The following ZBTB47 variants were observed in gnomAD, a reference collection of about 807,000 sequenced individuals.
ZBTB47 encodes zinc finger and BTB domain containing 47.
In ZBTB47, 24 loss-of-function variants were observed where a neutral mutation model predicts 56.6. The ratio of observed to expected loss-of-function variants is 0.42; its 90% CI spans 0.31 to 0.60. ZBTB47 has a LOEUF of 0.60. ZBTB47 is among the 20% of genes least tolerant of loss of function. The pLI, the probability that ZBTB47 is intolerant of heterozygous loss-of-function variation, is 0.14. For missense variants in ZBTB47, 829 were observed against 1,032.6 expected, an observed-to-expected ratio of 0.80 and a Z score of 2.70; for synonymous variants, 414 against 418.9, an observed-to-expected ratio of 0.99 and a Z score of 0.14.
At position 42,666,768 on chromosome 3, in the gene ZBTB47, T is replaced by C. The variant is rs1710793986; in HGVS notation, c.*2170T>C. On this transcript the variant is annotated 3_prime_UTR_variant, in exon 6 of 6. Transcript: ENST00000232974. Reference sequence around the variant, plus strand: ...GGGAGCTGGCAATGAAACCCTGTCCTGGGACATGGGTTTCATGTTCTTGTA... The same window carrying C: ...GGGAGCTGGCAATGAAACCCTGTCCCGGGACATGGGTTTCATGTTCTTGTA... Among the ~76,000 whole-genome samples, 1 of 152,220 alleles carries C rather than the reference T, an allele frequency of 6.6e-6. No homozygotes were observed. The highest frequency in any genetic ancestry group is 2.4e-5 in the African/African-American group (1 of 41,468).
At position 42,654,553 on chromosome 3, in the gene ZBTB47, GC is replaced by G. The variant is rs908086422; in HGVS notation, c.-82+672del. Reference sequence around the variant, plus strand: ...GCGGCCCTGCGCCTCCGCCTGCCTGGCCGCGCCCCCGGGGGCCATGGTCGCG... The same window carrying G: ...GCGGCCCTGCGCCTCCGCCTGCCTGGCGCGCCCCCGGGGGCCATGGTCGCG... On this transcript the variant is annotated intron_variant, in intron 1 of 5. Coordinates refer to ENST00000232974, the MANE Select transcript of ZBTB47 (RefSeq NM_145166.4). This position sits in a 1 kb window ranked among gnomAD's most constrained non-coding sequence, Gnocchi z 5.0. The G allele has an allele frequency of 3.7e-5, 14 of 375,800 alleles. No individual in the cohort carries two copies. Among genetic ancestry groups the G allele is most frequent in the Non-Finnish European group, 4.4e-5 (12 of 274,522 alleles). The allele number at this position is 375,800 out of a possible 1,614,324, so 23.3% of individuals were successfully genotyped here.
At chr3:42,659,960 G>C in intron 2 of ZBTB47, 132 bp downstream of exon 2, 1 of 1,337,122 alleles carries the variant, frequency 7.5e-7, no homozygotes, top group Admixed American at 2.9e-5. Context: ...TTAGCCCCCA[G>C]ACAGGCTGGC....
intron 1 of ZBTB47, among the ~76,000 whole-genome samples, chr3:42,655,833 C>A (rs1204283119): frequency 6.6e-6 from 1 of 152,232 alleles, no homozygotes; most frequent in Non-Finnish European, 1.5e-5. Context: ...GATGGTGCTG[C>A]CTTGGCTGAG....
In ZBTB47 at chr3:42,659,339, A is replaced by G; in HGVS notation, c.984A>G (p.Glu328=). Reference sequence around the variant, plus strand: ...ACGGGCACAGTGAGCAGGAAGAGGAAGAGGAGGAGGAAGAGGAGGAAGGGC... The same window carrying G: ...ACGGGCACAGTGAGCAGGAAGAGGAGGAGGAGGAGGAAGAGGAGGAAGGGC... ...EEDGHSEQEE[E]EEEEEEEGPS... is the part of the protein sequence containing the mutation. Residue 328 remains glutamate, a synonymous_variant, in exon 2 of 6, where the codon GAA becomes GAG. Coordinates refer to ENST00000232974, the MANE Select transcript of ZBTB47 (RefSeq NM_145166.4). 2 of 1,445,820 alleles carry G rather than the reference A, an allele frequency of 1.4e-6. 1 individual carries two copies. The highest frequency in any genetic ancestry group is 2.6e-5 in the South Asian group (2 of 77,160). The allele number at this position is 1,445,820 out of a possible 1,614,324, so 89.6% of individuals were successfully genotyped here.
Position 42,664,710 on chromosome 3 carries a change from C to A in ZBTB47, c.*112C>A. On this transcript the variant is annotated 3_prime_UTR_variant, in exon 6 of 6. Coordinates refer to ENST00000232974, the MANE Select transcript of ZBTB47 (RefSeq NM_145166.4). The stretch of plus-strand genomic sequence containing the variant: ...AGTGCGGGCCTGGGCCCTGCTCCAC[C>A]TCCAGAAGTGGCTGGATGTACCCTG... 8.0e-7 allele frequency: 1 copy of A among 1,248,266 alleles called. No individual in the cohort carries two copies. The highest frequency in any genetic ancestry group is 1.0e-6 in the Non-Finnish European group (1 of 977,196). The allele number at this position is 1,248,266 out of a possible 1,614,324, so 77.3% of individuals were successfully genotyped here. A position where few individuals can be genotyped will look rare whatever the true frequency, so the allele number is the denominator to read the frequency against.
intron 1 of ZBTB47, among the ~76,000 whole-genome samples, chr3:42,655,844 A>G (rs1710635676): frequency 6.6e-6 from 1 of 152,236 alleles, no homozygotes; most frequent in African/African-American, 2.4e-5. Context: ...CTTGGCTGAG[A>G]GTACTACCTT....
At position 42,658,755 on chromosome 3, in the gene ZBTB47, G is replaced by C; in HGVS notation, c.400G>C (p.Ala134Pro). ...CCAGCCGGCTGCCAGCTGCACTCCA[G>C]CTGCGCCGCCCTACTACTGTGACAT... ...LAQPAASCTP[A>P]APPYYCDIKQ... The change falls in exon 2 of 6, where the codon GCT becomes CCT. Residue 134 changes from alanine to proline, a missense_variant. Physicochemically the swap from Ala to Pro is conservative, Grantham distance 27. Transcript: ENST00000232974. 2.0e-6 allele frequency: 3 copies of C among 1,532,244 alleles called. No homozygotes were observed. The highest frequency in any genetic ancestry group is 2.6e-6 in the Non-Finnish European group (3 of 1,144,580). The allele number at this position is 1,532,244 out of a possible 1,614,324, so 94.9% of individuals were successfully genotyped here.
intron 3 of ZBTB47, 101 bp downstream of exon 3, chr3:42,661,733 G>C: frequency 6.8e-7 from 1 of 1,476,636 alleles, no homozygotes; most frequent in Non-Finnish European, 9.1e-7. Flanking sequence ...ATGTGAAGGG[G>C]TGAGGAGGCC....
chr3:42,661,305 G>A (rs1461712220), intron 2 of ZBTB47, among the ~76,000 whole-genome samples, 180 bp from the exon 3 acceptor site: 3 of 152,088 alleles, frequency 2.0e-5, no homozygotes, highest in African/African-American at 7.2e-5. Flanking sequence ...TGTGTTTGGG[G>A]GTGTTTAAGG....
chr3:42,664,179 C>T lies in ZBTB47; in HGVS notation c.1883-58C>T, dbSNP rs552167372. On this transcript the variant is annotated intron_variant, in intron 5 of 5. Transcript: ENST00000232974. ...GCTCCATGGGAGACGGAGGCTGGCC[C>T]CAGACTGGGGTGTGGCGACCCCTCA... 4 of 1,593,836 alleles carry T rather than the reference C, an allele frequency of 2.5e-6. No individual in the cohort carries two copies. The South Asian group carries it at 4.5e-5, about 18-fold the overall frequency.
Position 42,658,263 on chromosome 3 carries a change from C to G in ZBTB47, c.-81-12C>G. The stretch of plus-strand genomic sequence containing the variant: ...TGGCCTTGACCCACTCCTGTGCCCT[C>G]TGTCCCCGCAGTTGCTGGTTGAGAA... On this transcript the variant is annotated splice_polypyrimidine_tract_variant and intron_variant, in intron 1 of 5. Coordinates refer to ENST00000232974, the MANE Select transcript of ZBTB47 (RefSeq NM_145166.4). 1.4e-6 allele frequency: 2 copies of G among 1,464,950 alleles called. No homozygotes were observed. Among genetic ancestry groups the G allele is most frequent in the Non-Finnish European group, 1.8e-6 (2 of 1,111,764 alleles). 90.7% of individuals were successfully genotyped at this position (1,464,950 alleles called of 1,614,324 possible). A position where few individuals can be genotyped will look rare whatever the true frequency, so the allele number is the denominator to read the frequency against.
At position 42,654,980 on chromosome 3, in the gene ZBTB47, G is replaced by T. The variant is rs924933743; in HGVS notation, c.-82+1097G>T. Among the ~76,000 whole-genome samples, 32 of 152,192 alleles carry T rather than the reference G, an allele frequency of 2.1e-4. No homozygotes were observed. Among genetic ancestry groups the T allele is most frequent in the African/African-American group, 7.7e-4 (32 of 41,564 alleles). On this transcript the variant is annotated intron_variant, in intron 1 of 5. Coordinates refer to ENST00000232974, the MANE Select transcript of ZBTB47 (RefSeq NM_145166.4). The surrounding 1 kb of genome is among the most constrained non-coding windows in gnomAD (Gnocchi z 5.0). ...CGCTCCCCTGCGCCCGGACGGCGCC[G>T]CCCTCGGGCTGGGTAATGGGGGGAA... is the stretch of plus-strand genomic sequence containing the variant.
chr3:42,658,682 G>C lies in ZBTB47; in HGVS notation c.327G>C (p.Leu109=). The change falls in exon 2 of 6, where the codon CTG becomes CTC. Residue 109 remains leucine (L), a synonymous_variant. Coordinates refer to ENST00000232974, the MANE Select transcript of ZBTB47 (RefSeq NM_145166.4). ...TCGCTGCGTCCTGCCAAGAGCTGCTGGACGCCCGCTCTCTAGGCCCACCAG... is the reference window on the plus strand; with the variant it reads ...TCGCTGCGTCCTGCCAAGAGCTGCTCGACGCCCGCTCTCTAGGCCCACCAG... ...ADIAASCQEL[L]DARSLGPPGP... is the part of the protein sequence containing the mutation. 1 of 1,536,350 alleles carries C rather than the reference G, an allele frequency of 6.5e-7. No individual in the cohort carries two copies. The highest frequency in any genetic ancestry group is 8.7e-7 in the Non-Finnish European group (1 of 1,146,864).
At chr3:42,658,137 C>A (rs985621093) in intron 1 of ZBTB47, 138 bp from the exon 2 acceptor site, 2 of 915,198 alleles carry the variant, frequency 2.2e-6, no homozygotes, top group African/African-American at 1.7e-5. Context: ...TTGCTAGTTT[C>A]GGCTCTGTTG....
At position 42,656,400 on chromosome 3, in the gene ZBTB47, C is replaced by G. The variant is rs1182565821; in HGVS notation, c.-81-1875C>G. ...TGTGGAACCCTCTCATTCTGAGCCT[C>G]GGTTTCTCCATCTGTGTAGTAGGGG... is the stretch of plus-strand genomic sequence containing the variant. On this transcript the variant is annotated intron_variant, in intron 1 of 5. Coordinates refer to ENST00000232974, the MANE Select transcript of ZBTB47 (RefSeq NM_145166.4). The surrounding 1 kb of genome is among the most constrained non-coding windows in gnomAD (Gnocchi z 5.8). Among the ~76,000 whole-genome samples, 1 of 152,108 alleles carries G rather than the reference C, an allele frequency of 6.6e-6. No individual in the cohort carries two copies. Among genetic ancestry groups the G allele is most frequent in the African/African-American group, 2.4e-5 (1 of 41,416 alleles).
chr3:42,658,464 G>A lies in ZBTB47; in HGVS notation c.109G>A (p.Ala37Thr), dbSNP rs1228357980. The A allele has an allele frequency of 7.8e-6, 12 of 1,536,954 alleles. No individual in the cohort carries two copies. The highest frequency in any genetic ancestry group is 1.4e-5 in the African/African-American group (1 of 73,042). The stretch of plus-strand genomic sequence containing the variant: ...TCCGGCACACAAGGGTGTGCTAGCC[G>A]CCTACAGCCAGTTCTTCCACTCACT... ...VFPAHKGVLA[A>T]YSQFFHSLFT... Residue 37 changes from alanine (A) to threonine (T), a missense_variant, in exon 2 of 6, where the codon GCC becomes ACC. Physicochemically the swap from Ala to Thr is moderately conservative, Grantham distance 58. This residue lies in a region of ZBTB47 where 120 missense variants were observed against 200.2 expected (regional missense o/e 0.60). Coordinates refer to ENST00000232974, the MANE Select transcript of ZBTB47 (RefSeq NM_145166.4).
chr3:42,657,763 C>G (rs951535694), intron 1 of ZBTB47, among the ~76,000 whole-genome samples: 2 of 152,134 alleles, frequency 1.3e-5, no homozygotes, highest in African/African-American at 4.8e-5. Context: ...GGCAAGCTTG[C>G]TTTTATTGGT....
chr3:42,659,549 G>A lies in ZBTB47; in HGVS notation c.1194G>A (p.Arg398=), dbSNP rs766331806. Residue 398 remains arginine, a synonymous_variant, in exon 2 of 6, where the codon CGG becomes CGA. Transcript: ENST00000232974. The part of the protein sequence containing the change: ...RGTPEPEEAG[R]RGGKRPKPPP... ...CCCCTGAACCTGAAGAAGCTGGGCG[G>A]CGGGGTGGGAAGAGGCCAAAGCCAC... 15 of 1,575,750 alleles carry A rather than the reference G, an allele frequency of 9.5e-6. No individual in the cohort carries two copies. Among genetic ancestry groups the A allele is most frequent in the African/African-American group, 8.2e-5 (6 of 73,558 alleles).
Position 42,659,041 on chromosome 3 carries a change from G to A in ZBTB47, c.686G>A (p.Arg229Lys). The part of the protein sequence containing the change: ...ELGGSGTYSR[R>K]EQSQIIVEVN... ...GGGGGTTCTGGCACCTACAGCCGCA[G>A]GGAGCAATCCCAGATCATCGTGGAG... Residue 229 changes from arginine to lysine, a missense_variant, in exon 2 of 6, where the codon AGG becomes AAG. By Grantham distance (26) the Arg-to-Lys change is conservative (BLOSUM62 2). Transcript: ENST00000232974. 6.5e-7 allele frequency: 1 copy of A among 1,529,464 alleles called. No individual in the cohort carries two copies. Among genetic ancestry groups the A allele is most frequent in the Non-Finnish European group, 8.7e-7 (1 of 1,143,376 alleles). 94.7% of individuals were successfully genotyped at this position (1,529,464 alleles called of 1,614,324 possible). A position where few individuals can be genotyped will look rare whatever the true frequency, so the allele number is the denominator to read the frequency against.
Sources: allele counts gnomAD v4.1 joint callset (sites outside exome capture counted in the v4.1 genomes callset), GRCh38; gene constraint gnomAD v4.1.1; regional missense constraint gnomAD v4.1.1; non-coding constraint Gnocchi (gnomAD v3.1); transcripts MANE v1.5; gene names NCBI Gene and HGNC (gene_info 2026-07-23, HGNC 2026-07-21).